MAP4K1: variants seen among roughly 807,000 people sequenced by gnomAD.
The protein encoded by MAP4K1 is MAPK/ERK kinase kinase kinase 1.
A neutral mutation model predicts 122.8 loss-of-function variants in MAP4K1; 35 were observed. That is an observed-to-expected ratio of 0.29 (90% confidence interval 0.22 to 0.38). The LOEUF (loss-of-function observed/expected upper bound fraction) is 0.38. MAP4K1 is among the 10% of genes least tolerant of loss of function. The pLI is 1.00. For synonymous variants in MAP4K1, 412 were observed against 421.3 expected (o/e 0.98, Z 0.27); for missense variants, 791 against 1,072.6 (o/e 0.74, Z 3.67).
intron 26 of MAP4K1, 89 bp downstream of exon 26, chr19:38,596,223 A>AGTGCCTCAGGCTAAGCGAAGCC (rs1974872956): frequency 1.4e-6 from 2 of 1,457,142 alleles, no homozygotes; most frequent in Admixed American, 2.3e-5. Flanking sequence ...TCAGTCCCGT[A>AGTGCCTCAGGCTAAGCGAAGCC]GTGCCTCAGG....
rs1463985935 is a variant in MAP4K1, at chr19:38,602,481, CACATATACATATATACAT to C, written c.1447-974_1447-957del. 1.6e-4 allele frequency among the ~76,000 whole-genome samples: 24 copies of C among 148,924 alleles called. No homozygotes were observed. In the East Asian group the frequency reaches 4.3e-3, roughly 26 times the overall value. On this transcript the variant is annotated intron_variant, in intron 19 of 30. Coordinates refer to ENST00000396857, the MANE Select transcript of MAP4K1 (RefSeq NM_001042600.3). Reference sequence around the variant, plus strand: ...ATATACACACATATACATATATACACACATATACATATATACATATATACACGTGTACATATATACGCA... The same window carrying C: ...ATATACACACATATACATATATACACATATACACGTGTACATATATACGCA...
intron 8 of MAP4K1, 31 bp from the exon 9 acceptor site, chr19:38,612,773 G>A (rs1366900388): frequency 6.2e-7 from 1 of 1,609,072 alleles, no homozygotes; most frequent in Non-Finnish European, 8.5e-7. Flanking sequence ...AGAGCCAGAG[G>A]TGGCATGGGG....
intron 16 of MAP4K1, among the ~76,000 whole-genome samples, 195 bp downstream of exon 16, chr19:38,607,669 T>C (rs949948924): frequency 1.5e-5 from 2 of 129,920 alleles, no homozygotes; most frequent in Non-Finnish European, 3.3e-5. Context: ...TTAAGGGAGG[T>C]GGGGTTAGGG....
Position 38,595,723 on chromosome 19 carries a change from A to G in MAP4K1, c.2186T>C (p.Val729Ala). Residue 729 changes from valine to alanine, a missense_variant, in exon 28 of 31, where the codon GTG becomes GCG. Val to Ala is a moderately conservative substitution (Grantham distance 64). Around this residue, in one of 4 missense-constraint regions of MAP4K1, gnomAD observed 267 missense variants for 323.0 expected, o/e 0.83. Transcript: ENST00000396857. Reference protein sequence around the residue: ...DMVMVLMDGSVKLVTPEGSPV... With the variant: ...DMVMVLMDGSAKLVTPEGSPV... ...GGACCCCTCCGGGGTCACCAGCTTC[A>G]CAGAGCCTGGAAGGAGATAGACGGT... 4 of 1,599,836 alleles carry G rather than the reference A, an allele frequency of 2.5e-6. No homozygotes were observed. The highest frequency in any genetic ancestry group is 1.3e-5 in the African/African-American group (1 of 74,198).
intron 4 of MAP4K1, 118 bp from the exon 5 acceptor site, chr19:38,614,563 A>G: frequency 9.4e-7 from 1 of 1,065,978 alleles, no homozygotes; most frequent in Admixed American, 1.8e-5. Context: ...GAAATAGGAT[A>G]GGACCAGTGG....
intron 22 of MAP4K1, among the ~76,000 whole-genome samples, chr19:38,599,519 A>G (rs1974998368): frequency 6.6e-6 from 1 of 151,972 alleles, no homozygotes; most frequent in African/African-American, 2.4e-5. Flanking sequence ...AAATTTAGCC[A>G]GGTGTGGTGG....
At chr19:38,596,755 A>ACTTT (rs1176116106) in intron 25 of MAP4K1, among the ~76,000 whole-genome samples, 1 of 152,122 alleles carries the variant, frequency 6.6e-6, no homozygotes, top group East Asian at 1.9e-4. Context: ...ACACTCAAAG[A>ACTTT]GACAGGCTCT....
At chr19:38,599,812 T>C in intron 22 of MAP4K1, 113 bp downstream of exon 22, 1 of 981,726 alleles carries the variant, frequency 1.0e-6, no homozygotes, top group Non-Finnish European at 1.6e-6. Context: ...ACCTAGGACT[T>C]TGTGACCAAG....
At chr19:38,613,493 C>A (rs938646743) in intron 8 of MAP4K1, among the ~76,000 whole-genome samples, 1 of 151,786 alleles carries the variant, frequency 6.6e-6, no homozygotes, top group African/African-American at 2.4e-5. Flanking sequence ...CCACTGCAAT[C>A]CAGCCTGGGC....
chr19:38,594,485 C>A (rs1276512530), intron 29 of MAP4K1, among the ~76,000 whole-genome samples: 2 of 152,030 alleles, frequency 1.3e-5, no homozygotes, highest in Non-Finnish European at 2.9e-5. Context: ...ACTAAAAATA[C>A]AAAAATTACC....
chr19:38,614,837 G>A (rs1276831372), intron 4 of MAP4K1: 5 of 188,548 alleles, frequency 2.7e-5, no homozygotes, highest in Admixed American at 6.3e-5. Flanking sequence ...CAGGAGAATC[G>A]TTTGAACCCA....
chr19:38,593,226 C>T (rs550180663), intron 30 of MAP4K1, 56 bp downstream of exon 30: 3 of 1,543,046 alleles, frequency 1.9e-6, no homozygotes, highest in African/African-American at 2.7e-5. Context: ...TCAGAATGCT[C>T]TCTTCACATC....
At position 38,600,087 on chromosome 19, in the gene MAP4K1, G is replaced by C. The variant is rs202155361; in HGVS notation, c.1598C>G (p.Thr533Arg). ...GGTATGGTTCCTCACCATTTCCAGC[G>C]TGGCCTCCTGGTCATTCCGGTTCAG... ...FILNRNDQEATLEMLFPSRTT... is the reference protein window; with the variant it reads ...FILNRNDQEARLEMLFPSRTT... Residue 533 changes from threonine (T) to arginine (R), a missense_variant, in exon 21 of 31, where the codon ACG (threonine) becomes AGG (arginine). Coordinates refer to ENST00000396857, the MANE Select transcript of MAP4K1 (RefSeq NM_001042600.3). The C allele has an allele frequency of 1.9e-5, 30 of 1,613,980 alleles. No individual in the cohort carries two copies. In the Admixed American group the frequency reaches 5.0e-4, roughly 27 times the overall value.
chr19:38,603,203 C>T (rs1326927014), intron 19 of MAP4K1, among the ~76,000 whole-genome samples: 1 of 147,974 alleles, frequency 6.8e-6, no homozygotes, highest in Non-Finnish European at 1.5e-5. Context: ...TACATATATA[C>T]ACATACATAT....
chr19:38,612,588 C>T, intron 9 of MAP4K1, 23 bp downstream of exon 9: 1 of 1,606,904 alleles, frequency 6.2e-7, no homozygotes, highest in Non-Finnish European at 8.5e-7. Context: ...ATCTCTGGGC[C>T]TGGGGACCCC....
chr19:38,601,616 G>T, intron 19 of MAP4K1, 91 bp from the exon 20 acceptor site: 1 of 919,826 alleles, frequency 1.1e-6, no homozygotes. Flanking sequence ...GAGCGAGAGT[G>T]CCAAGGTTCA....
Position 38,596,471 on chromosome 19 carries a change from G to C in MAP4K1, c.1957C>G (p.Leu653Val). ...FLLVRQVLFP[L>V]PTPLSVFALL... ...GCGAACACGGACAGAGGCGTCGGCAGTGGGAACAGCACCTGCTGCGGGCCG... is the reference window on the plus strand; with the variant it reads ...GCGAACACGGACAGAGGCGTCGGCACTGGGAACAGCACCTGCTGCGGGCCG... The change falls in exon 26 of 31, where the codon CTG (leucine) becomes GTG (valine). Residue 653 changes from leucine to valine, a missense_variant. By Grantham distance (32) the Leu-to-Val change is conservative. Transcript: ENST00000396857. The C allele has an allele frequency of 4.5e-6, 7 of 1,569,672 alleles. No homozygotes were observed. Among genetic ancestry groups the C allele is most frequent in the Non-Finnish European group, 6.0e-6 (7 of 1,161,244 alleles).
At chr19:38,615,830 T>G (rs1320497644) in intron 4 of MAP4K1, among the ~76,000 whole-genome samples, 1 of 152,094 alleles carries the variant, frequency 6.6e-6, no homozygotes, top group East Asian at 1.9e-4. Context: ...GCTAATTTTT[T>G]GTATTTTTAG....
chr19:38,616,272 A>G lies in MAP4K1; in HGVS notation c.249-13T>C. ...GAGTTTCTGCAACCTGCAGTGGTTCAAGAGTAAGAATAATAATAGCAGTAA... is the reference window on the plus strand; with the variant it reads ...GAGTTTCTGCAACCTGCAGTGGTTCGAGAGTAAGAATAATAATAGCAGTAA... On this transcript the variant is annotated splice_polypyrimidine_tract_variant and intron_variant, in intron 3 of 30. Transcript: ENST00000396857. 6.2e-7 allele frequency: 1 copy of G among 1,604,918 alleles called. No individual in the cohort carries two copies. Among genetic ancestry groups the G allele is most frequent in the Non-Finnish European group, 8.5e-7 (1 of 1,174,454 alleles).
Sources: gnomAD v4.1 joint callset for allele counts (sites outside exome capture counted in the v4.1 genomes callset) on GRCh38, gnomAD v4.1.1 for gene constraint, gnomAD v4.1.1 regional missense constraint, MANE v1.5 for transcripts, NCBI Gene and HGNC (gene_info 2026-07-23, HGNC 2026-07-21) for gene names.